PACSIN2: variants seen among roughly 807,000 people sequenced by gnomAD.
PACSIN2 encodes protein kinase C and casein kinase substrate in neurons 2.
In PACSIN2, 25 loss-of-function variants were observed where a neutral mutation model predicts 63.8. That is an observed-to-expected ratio of 0.39 (90% CI 0.29 to 0.55). The LOEUF (loss-of-function observed/expected upper bound fraction) is 0.55. Among genes scored for constraint, PACSIN2 ranks in the 20% least tolerant of loss-of-function variants. The pLI, the probability that PACSIN2 is intolerant of heterozygous loss-of-function variation, is 0.62. For synonymous variants in PACSIN2, 255 were observed against 256.2 expected (o/e 1.00, Z 0.05); for missense variants, 518 against 646.9 (o/e 0.80, Z 2.16).
At chr22:42,991,847 C>G (rs978813915) in intron 1 of PACSIN2, among the ~76,000 whole-genome samples, 3 of 150,256 alleles carry the variant, frequency 2.0e-5, no homozygotes, top group Admixed American at 6.6e-5. Context: ...ATTCACACAC[C>G]GCAACACATT....
chr22:42,989,784 C>T (rs1283408373), intron 1 of PACSIN2, among the ~76,000 whole-genome samples: 1 of 147,502 alleles, frequency 6.8e-6, no homozygotes, highest in Non-Finnish European at 1.5e-5. Flanking sequence ...CTGGGCGACA[C>T]AGTGAGACTC....
At chr22:42,957,704 A>C (rs1482993934) in intron 1 of PACSIN2, among the ~76,000 whole-genome samples, 2 of 152,202 alleles carry the variant, frequency 1.3e-5, no homozygotes, top group African/African-American at 4.8e-5. Context: ...CAGAGTCAGT[A>C]TTCCCTTATA....
intron 1 of PACSIN2, among the ~76,000 whole-genome samples, chr22:43,012,153 A>AC (rs1399244111): frequency 8.8e-4 from 116 of 132,132 alleles, no homozygotes; most frequent in South Asian, 8.7e-3. Context: ...CAAAATAAAT[A>AC]AATACATACA....
intron 2 of PACSIN2, among the ~76,000 whole-genome samples, chr22:42,896,041 A>C (rs1347622653): frequency 6.6e-6 from 1 of 152,234 alleles, no homozygotes; most frequent in Admixed American, 6.5e-5. Context: ...ATCTACACAC[A>C]GGCAAAACTG....
chr22:43,009,869 T>C (rs113153408), intron 1 of PACSIN2, among the ~76,000 whole-genome samples: 7 of 68,162 alleles, frequency 1.0e-4, no homozygotes, highest in Admixed American at 6.6e-4. Flanking sequence ...TTTTCTATTT[T>C]TTTTTTTTTT....
intron 5 of PACSIN2, 64 bp from the exon 6 acceptor site, chr22:42,884,625 C>T: frequency 4.4e-6 from 6 of 1,368,550 alleles, no homozygotes; most frequent in Middle Eastern, 1.8e-4. Context: ...TCACCCTGCC[C>T]CTGGAGTGTC....
chr22:42,932,641 T>C (rs889385073), intron 1 of PACSIN2, among the ~76,000 whole-genome samples: 2 of 152,058 alleles, frequency 1.3e-5, no homozygotes, highest in African/African-American at 4.8e-5. Flanking sequence ...TACTGACATA[T>C]CTTGGATTAC....
intron 1 of PACSIN2, among the ~76,000 whole-genome samples, chr22:42,986,064 T>C (rs1174876097): frequency 6.6e-6 from 1 of 152,014 alleles, no homozygotes; most frequent in Non-Finnish European, 1.5e-5. Flanking sequence ...ATCCCCTTGC[T>C]CTGTAGTTTT....
chr22:42,964,997 T>C (rs541300519), intron 1 of PACSIN2, among the ~76,000 whole-genome samples: 110 of 152,332 alleles, frequency 7.2e-4, no homozygotes, highest in Non-Finnish European at 1.2e-3. Flanking sequence ...GGGGAGGGCA[T>C]GCACACACTC....
intron 1 of PACSIN2, among the ~76,000 whole-genome samples, chr22:42,989,872 A>G (rs981574983): frequency 1.7e-5 from 1 of 59,276 alleles, no homozygotes; most frequent in African/African-American, 4.8e-5. Flanking sequence ...AAAAAAATAT[A>G]TATATATATA....
chr22:42,938,827 T>G (rs1258103444), intron 1 of PACSIN2, among the ~76,000 whole-genome samples: 2 of 152,156 alleles, frequency 1.3e-5, no homozygotes, highest in African/African-American at 2.4e-5. Flanking sequence ...AGAGAGGAGG[T>G]GCTGTTTGTG....
intron 1 of PACSIN2, among the ~76,000 whole-genome samples, chr22:42,942,738 T>G (rs1398131771): frequency 6.6e-6 from 1 of 152,258 alleles, no homozygotes; most frequent in African/African-American, 2.4e-5. Context: ...GGTTTAGTTT[T>G]GTTTTCTTGA....
chr22:42,925,848 G>C (rs1363294989), intron 1 of PACSIN2, among the ~76,000 whole-genome samples: 1 of 152,162 alleles, frequency 6.6e-6, no homozygotes. Context: ...CCTGCTGCCT[G>C]ACAACCCAGC....
intron 2 of PACSIN2, among the ~76,000 whole-genome samples, chr22:42,904,851 T>C (rs1022128538): frequency 6.6e-6 from 1 of 152,206 alleles, no homozygotes; most frequent in African/African-American, 2.4e-5. Flanking sequence ...CCCATCTCTG[T>C]GCCTGGGCAC....
At chr22:42,937,263 G>A (rs1932954965) in intron 1 of PACSIN2, among the ~76,000 whole-genome samples, 1 of 152,106 alleles carries the variant, frequency 6.6e-6, no homozygotes, top group Non-Finnish European at 1.5e-5. Flanking sequence ...GAGACAACAT[G>A]GGAAGAAGTA....
chr22:42,874,867 T>C (rs1435133273), intron 10 of PACSIN2, among the ~76,000 whole-genome samples: 1 of 151,380 alleles, frequency 6.6e-6, no homozygotes, highest in African/African-American at 2.4e-5. Flanking sequence ...TTTTTTTTTT[T>C]TGAAAAAGAG....
chr22:42,919,783 AAAAAAAAAAAAAAAG>A (rs1333544689), intron 1 of PACSIN2, among the ~76,000 whole-genome samples: 3 of 139,896 alleles, frequency 2.1e-5, no homozygotes, highest in Non-Finnish European at 4.5e-5. Flanking sequence ...AAAAAAAAAA[AAAAAAAAAAAAAAAG>A]AAAGAAAGAA....
At position 42,943,716 on chromosome 22, in the gene PACSIN2, A is replaced by C. The variant is rs187250769; in HGVS notation, c.-77-31559T>G. The stretch of plus-strand genomic sequence containing the variant: ...GACATTATATATTTTGATGAATTTC[A>C]AGTGTCATAAGGAGCCAAATAAAAT... On this transcript the variant is annotated intron_variant, in intron 1 of 10. Coordinates refer to ENST00000263246, the MANE Select transcript of PACSIN2 (RefSeq NM_001184970.3). 3.1e-3 allele frequency among the ~76,000 whole-genome samples: 470 copies of C among 152,324 alleles called. 2 individuals are homozygous for C. Among genetic ancestry groups the C allele is most frequent in the African/African-American group, 0.011 (463 of 41,566 alleles).
chr22:42,871,490 C>T lies in PACSIN2; in HGVS notation c.1349-21G>A, dbSNP rs762083816. On this transcript the variant is annotated intron_variant, in intron 10 of 10. Coordinates refer to ENST00000263246, the MANE Select transcript of PACSIN2 (RefSeq NM_001184970.3). The surrounding 1 kb of genome is among the most constrained non-coding windows in gnomAD (Gnocchi z 5.4). ...ATCCCCTGCAAGACAAAGAGGGAGC[C>T]GTCTCCATGAGAGGTATGACACCGA... 1.0e-5 allele frequency: 16 copies of T among 1,569,170 alleles called. 1 individual carries two copies. The highest frequency in any genetic ancestry group is 5.0e-5 in the Admixed American group (3 of 59,976).
Sources: allele counts gnomAD v4.1 joint callset (sites outside exome capture counted in the v4.1 genomes callset), GRCh38; gene constraint gnomAD v4.1.1; non-coding constraint Gnocchi (gnomAD v3.1); transcripts MANE v1.5; gene names NCBI Gene and HGNC (gene_info 2026-07-23, HGNC 2026-07-21).